RCOR2: variants seen among roughly 807,000 people sequenced by gnomAD.
The protein encoded by RCOR2 is REST corepressor 2.
A neutral mutation model predicts 58.9 loss-of-function variants in RCOR2; 19 were observed. That is an observed-to-expected ratio of 0.32 (90% CI 0.23 to 0.47). The LOEUF (loss-of-function observed/expected upper bound fraction) is 0.47. RCOR2 is among the 20% of genes least tolerant of loss of function. RCOR2 has a pLI of 1.00. For synonymous variants in RCOR2, 286 were observed against 278.7 expected, an observed-to-expected ratio of 1.03 and a Z score of -0.26; for missense variants, 590 against 707.9, an observed-to-expected ratio of 0.83 and a Z score of 1.89.
At position 63,912,400 on chromosome 11, in the gene RCOR2, C is replaced by T. The variant is rs1941781310; in HGVS notation, c.1162G>A (p.Ala388Thr). 1 of 1,613,836 alleles carries T rather than the reference C, an allele frequency of 6.2e-7. No homozygotes were observed. Among genetic ancestry groups the T allele is most frequent in the Non-Finnish European group, 8.5e-7 (1 of 1,179,942 alleles). The change falls in exon 11 of 12, where the codon GCT becomes ACT. Residue 388 changes from alanine to threonine, a missense_variant. Physicochemically the swap from Ala to Thr is moderately conservative, Grantham distance 58 (BLOSUM62 0). Transcript: ENST00000301459. ...GCTCCAGGGGCCCCATCCTGCTCAG[C>T]CTCCCATTCCTGCAGCACCTCCTCC... ...NLEEVLQEWE[A>T]EQDGAPGAPV...
the RCOR2 span, among the ~76,000 whole-genome samples, chr11:63,925,138 C>T: frequency 6.6e-6 from 1 of 152,118 alleles, no homozygotes; most frequent in Non-Finnish European, 1.5e-5. Context: ...CAGGTGTGAG[C>T]CACTGCGCCC....
At chr11:63,914,628 C>G (rs902353773) in intron 5 of RCOR2, 27 bp downstream of exon 5, 1 of 1,604,668 alleles carries the variant, frequency 6.2e-7, no homozygotes, top group Non-Finnish European at 8.5e-7. Context: ...AGAGGAGCGC[C>G]GGGGAGTGGG....
At chr11:63,916,283 G>C (rs774159074) in intron 1 of RCOR2, 47 bp downstream of exon 1, 16 of 1,472,724 alleles carry the variant, frequency 1.1e-5, no homozygotes, top group Admixed American at 7.4e-5. Flanking sequence ...GCCCCACTCC[G>C]CTCCCCCCAG....
chr11:63,927,091 T>C, the RCOR2 span, among the ~76,000 whole-genome samples: 2 of 152,046 alleles, frequency 1.3e-5, no homozygotes, highest in African/African-American at 4.8e-5. Flanking sequence ...TCCACCCACC[T>C]TGGCCTCCCA....
rs1941846618 is a variant in RCOR2 at position 63,915,669 on chromosome 11, G to A, written c.128-58C>T. ...AGGGAGGGCGGGCGGGAGGGAGGAT[G>A]TGGCGGGCGGGGGAGGTGGCCGGCC... is the stretch of plus-strand genomic sequence containing the variant. On this transcript the variant is annotated intron_variant, in intron 1 of 11. Transcript: ENST00000301459. 3.2e-6 allele frequency: 4 copies of A among 1,235,138 alleles called. No homozygotes were observed. The South Asian group carries it at 5.2e-5, about 16-fold the overall frequency. The allele number at this position is 1,235,138 out of a possible 1,614,324, so 76.5% of individuals were successfully genotyped here.
chr11:63,915,280 G>C (rs1315239761), intron 2 of RCOR2, 22 bp from the exon 3 acceptor site: 2 of 1,547,608 alleles, frequency 1.3e-6, no homozygotes, highest in Admixed American at 2.0e-5. Context: ...AGGAGCAGGA[G>C]GGAAGACACT....
chr11:63,914,202 C>T (rs1219832319), intron 7 of RCOR2, 33 bp from the exon 8 acceptor site: 1 of 1,613,086 alleles, frequency 6.2e-7, no homozygotes, highest in Admixed American at 1.7e-5. Flanking sequence ...GTAGGTGGTG[C>T]AGAGCCAGAG....
the RCOR2 span, among the ~76,000 whole-genome samples, chr11:63,923,124 A>G: frequency 6.6e-6 from 1 of 151,380 alleles, no homozygotes; most frequent in Non-Finnish European, 1.5e-5. Flanking sequence ...GCATAGATGG[A>G]CCTTCCCCCT....
At chr11:63,915,413 A>T in intron 2 of RCOR2, 142 bp downstream of exon 2, 1 of 1,128,216 alleles carries the variant, frequency 8.9e-7, no homozygotes, top group Non-Finnish European at 1.3e-6. Flanking sequence ...GCAGGGCAGG[A>T]AAGCAAACCA....
chr11:63,920,003 A>G (rs1469653667), upstream of RCOR2, among the ~76,000 whole-genome samples: 1 of 152,186 alleles, frequency 6.6e-6, no homozygotes, highest in East Asian at 1.9e-4. Flanking sequence ...TCCAGTCCCC[A>G]GGGAAGCCGG....
Position 63,916,291 on chromosome 11 carries a change from C to A in RCOR2, c.127+39G>T, listed in dbSNP as rs540961239. 111 of 1,557,268 alleles carry A rather than the reference C, an allele frequency of 7.1e-5. 1 individual carries two copies. In the African/African-American group the frequency reaches 1.2e-3, roughly 17 times the overall value. On this transcript the variant is annotated intron_variant, in intron 1 of 11. Transcript: ENST00000301459. The stretch of plus-strand genomic sequence containing the variant: ...CCCTCCCGCCCCACTCCGCTCCCCC[C>A]AGGCCGGCGCGCCTTTAACCCTAGG...
chr11:63,916,600 T>TC lies in RCOR2; in HGVS notation c.-145dup, dbSNP rs1590737210. 8.0e-6 allele frequency: 11 copies of TC among 1,375,506 alleles called. No homozygotes were observed. In the East Asian group the frequency reaches 2.9e-4, roughly 36 times the overall value. The allele number at this position is 1,375,506 out of a possible 1,614,324, so 85.2% of individuals were successfully genotyped here. A position where few individuals can be genotyped will look rare whatever the true frequency, so the allele number is the denominator to read the frequency against. ...AGGCAGGAGGTCAGCGTGGCTAGGG[T>TC]CCGGCGGGGTGGGAGCCCACCTGGT... On this transcript the variant is annotated 5_prime_UTR_variant, in exon 1 of 12. Transcript: ENST00000301459.
rs1427201653 is a variant in RCOR2, at chr11:63,911,968, A to G, written c.1469T>C (p.Ile490Thr). The G allele has an allele frequency of 1.8e-6, 2 of 1,105,674 alleles. No individual in the cohort carries two copies. The highest frequency in any genetic ancestry group is 1.7e-5 in the African/African-American group (1 of 57,728). The allele number at this position is 1,105,674 out of a possible 1,614,324, so 68.5% of individuals were successfully genotyped here. A position where few individuals can be genotyped will look rare whatever the true frequency, so the allele number is the denominator to read the frequency against. ...LAPNQPPPPL[I>T]RPALAAPRHS... ...GCGGGGGGCAGCCAGAGCGGGGCGGATGAGAGGCGGTGGGGGCTGGTTGGG... is the reference window on the plus strand; with the variant it reads ...GCGGGGGGCAGCCAGAGCGGGGCGGGTGAGAGGCGGTGGGGGCTGGTTGGG... The change falls in exon 12 of 12, where the codon ATC becomes ACC. Residue 490 changes from isoleucine (I) to threonine (T), a missense_variant. This residue lies in a region of RCOR2 where 196 missense variants were observed against 210.7 expected (regional missense o/e 0.93). Transcript: ENST00000301459.
the RCOR2 span, among the ~76,000 whole-genome samples, chr11:63,925,917 T>C: frequency 6.6e-6 from 1 of 152,024 alleles, no homozygotes; most frequent in African/African-American, 2.4e-5. Context: ...GACCTTTTAT[T>C]TTTATTTTTG....
the RCOR2 span, among the ~76,000 whole-genome samples, chr11:63,922,681 G>A: frequency 1.4e-4 from 22 of 152,154 alleles, no homozygotes; most frequent in Admixed American, 3.9e-4. Context: ...ATATAGCTTC[G>A]ATTATATCCC....
chr11:63,925,378 A>G, the RCOR2 span, among the ~76,000 whole-genome samples: 2 of 152,178 alleles, frequency 1.3e-5, no homozygotes, highest in African/African-American at 4.8e-5. Context: ...TGAATGCTTC[A>G]GAAATGAACT....
At chr11:63,913,184 A>ATATT (rs1295322127) in intron 8 of RCOR2, among the ~76,000 whole-genome samples, 10 of 77,858 alleles carry the variant, frequency 1.3e-4, no homozygotes, top group East Asian at 3.3e-4. Context: ...ATATATATAT[A>ATATT]TTTTTTTTTT....
intron 9 of RCOR2, 46 bp from the exon 10 acceptor site, chr11:63,912,779 A>T (rs201290371): frequency 6.2e-6 from 10 of 1,610,574 alleles, no homozygotes; most frequent in Non-Finnish European, 7.6e-6. Flanking sequence ...AAACCATGCA[A>T]ATGGAAGCCC....
In RCOR2 at chr11:63,916,997, G is replaced by A. The variant is rs969829293; in HGVS notation, c.-541C>T. On this transcript the variant is annotated 5_prime_UTR_variant, in exon 1 of 12. Transcript: ENST00000301459. ...GGCGGCGGCGGCGGCGACGGCGGCGGGACGGCGCGCACGGCGCGCGGCGCT... is the reference window on the plus strand; with the variant it reads ...GGCGGCGGCGGCGGCGACGGCGGCGAGACGGCGCGCACGGCGCGCGGCGCT... 1.4e-5 allele frequency among the ~76,000 whole-genome samples: 2 copies of A among 146,800 alleles called. No individual in the cohort carries two copies. The highest frequency in any genetic ancestry group is 2.1e-4 in the South Asian group (1 of 4,822).
Sources: gnomAD v4.1 joint callset for allele counts (sites outside exome capture counted in the v4.1 genomes callset) on GRCh38, gnomAD v4.1.1 for gene constraint, gnomAD v4.1.1 regional missense constraint, MANE v1.5 for transcripts, NCBI Gene and HGNC (gene_info 2026-07-23, HGNC 2026-07-21) for gene names.